The following NECAB2 variants were observed in gnomAD, a reference collection of about 807,000 sequenced individuals.
The protein encoded by NECAB2 is N-terminal EF-hand calcium binding protein 2.
Under a neutral mutation model 51.9 loss-of-function variants are expected in NECAB2, and 68 were observed. That is an observed-to-expected ratio of 1.31 (90% CI 1.08 to 1.60). The LOEUF is 1.60. NECAB2 is among the 40% of genes most tolerant of loss of function. The probability of loss-of-function intolerance (pLI) is 0.00; values close to 1 mark genes in which losing one functional copy is unlikely to be tolerated. For missense variants in NECAB2, 854 were observed against 490.3 expected (o/e 1.74, Z -7.00); for synonymous variants, 329 against 203.5 (o/e 1.62, Z -5.25).
intron 2 of NECAB2, among the ~76,000 whole-genome samples, chr16:83,975,295 C>A (rs979609425): frequency 1.1e-4 from 17 of 149,168 alleles, no homozygotes; most frequent in African/African-American, 4.0e-4. Flanking sequence ...AACAGGTGTG[C>A]AGGGATGAGA....
intron 1 of NECAB2, among the ~76,000 whole-genome samples, chr16:83,969,448 G>A (rs936419506): frequency 6.6e-6 from 1 of 151,770 alleles, no homozygotes; most frequent in African/African-American, 2.4e-5. Context: ...CATCAGCCCT[G>A]AGCTGGTACC....
chr16:83,981,411 G>A (rs2084487643), intron 5 of NECAB2, among the ~76,000 whole-genome samples: 2 of 129,818 alleles, frequency 1.5e-5, no homozygotes, highest in South Asian at 4.2e-4. Context: ...TGCCCTTAAG[G>A]GGTCCCCAGA....
chr16:83,973,668 C>T (rs999593790), intron 2 of NECAB2, among the ~76,000 whole-genome samples: 1 of 152,172 alleles, frequency 6.6e-6, no homozygotes, highest in Non-Finnish European at 1.5e-5. Flanking sequence ...GGCCTGGCTC[C>T]TCCAGCAGGT....
chr16:83,982,557 G>T (rs2084501744), intron 5 of NECAB2, among the ~76,000 whole-genome samples: 1 of 152,158 alleles, frequency 6.6e-6, no homozygotes, highest in African/African-American at 2.4e-5. Flanking sequence ...AGATGACCCT[G>T]GGAAATGGAA....
At chr16:84,000,181 C>T (rs8048803) in intron 10 of NECAB2, among the ~76,000 whole-genome samples, 25,866 of 152,070 alleles carry the variant, frequency 0.17, 3,906 homozygotes, top group African/African-American at 0.41. Context: ...CGATTACAGG[C>T]GTGAACCATC....
chr16:84,000,841 G>C, intron 11 of NECAB2, 40 bp downstream of exon 11: 1 of 1,389,224 alleles, frequency 7.2e-7, no homozygotes, highest in African/African-American at 1.5e-5. Flanking sequence ...GGGAGACAGA[G>C]GGAAGTGGGG....
chr16:83,981,186 C>T, intron 5 of NECAB2, 59 bp downstream of exon 5: 1 of 1,403,006 alleles, frequency 7.1e-7, no homozygotes. Flanking sequence ...CAGTTCCACC[C>T]TTGCCTAAGG....
At chr16:83,969,188 C>G (rs2084322633) in intron 1 of NECAB2, among the ~76,000 whole-genome samples, 1 of 151,846 alleles carries the variant, frequency 6.6e-6, no homozygotes, top group Non-Finnish European at 1.5e-5. Context: ...CCCTTTACCC[C>G]GCGGGACCGG....
chr16:83,967,168 T>C (rs2084290218), upstream of NECAB2, among the ~76,000 whole-genome samples: 1 of 152,144 alleles, frequency 6.6e-6, no homozygotes, highest in African/African-American at 2.4e-5. Flanking sequence ...CACCACACCC[T>C]TCCAGCAGTT....
intron 5 of NECAB2, among the ~76,000 whole-genome samples, chr16:83,989,705 T>C (rs546476556): frequency 6.6e-6 from 1 of 151,518 alleles, no homozygotes; most frequent in African/African-American, 2.4e-5. Context: ...TGTAAAGTCT[T>C]TGCAGCCCAA....
In NECAB2 at chr16:83,970,018, C is replaced by T. The variant is rs149080768; in HGVS notation, c.201+1169C>T. Among the ~76,000 whole-genome samples the T allele has an allele frequency of 4.2e-3, 645 of 152,306 alleles. 5 individuals carry two copies. Among genetic ancestry groups the T allele is most frequent in the African/African-American group, 0.015 (623 of 41,570 alleles). ...ACACACTCACGCACTCGCTTACGCA[C>T]GCACACACAGCCAGAGACACACCCA... On this transcript the variant is annotated intron_variant, in intron 1 of 12. Transcript: ENST00000305202.
rs142373353 is a variant in NECAB2, at chr16:83,998,255, C to G, written c.900C>G (p.Ser300Arg). The G allele has an allele frequency of 9.9e-6, 16 of 1,612,870 alleles. 1 individual carries two copies. The highest frequency in any genetic ancestry group is 3.3e-5 in the South Asian group (3 of 91,086). The change falls in exon 10 of 13, where the codon AGC (serine) becomes AGG (arginine). Residue 300 changes from serine to arginine, a missense_variant. Ser to Arg is a moderately radical substitution (Grantham distance 110). Coordinates refer to ENST00000305202, the MANE Select transcript of NECAB2 (RefSeq NM_019065.3). ...QEMAVCPEQLSEFLDSLRQYL... is the reference protein window; with the variant it reads ...QEMAVCPEQLREFLDSLRQYL... ...TGGCCGTGTGCCCCGAGCAACTGAG[C>G]GAGTTTCTGGACTCTCTGCGCCAGT...
chr16:83,990,215 C>G (rs888191000), intron 5 of NECAB2, among the ~76,000 whole-genome samples: 1 of 152,174 alleles, frequency 6.6e-6, no homozygotes, highest in African/African-American at 2.4e-5. Context: ...TCGCTACAAC[C>G]TTGTAAGATA....
At position 83,998,242 on chromosome 16, in the gene NECAB2, C is replaced by T. The variant is rs757346636; in HGVS notation, c.887C>T (p.Pro296Leu). Residue 296 changes from proline (P) to leucine (L), a missense_variant, in exon 10 of 13, where the codon CCC becomes CTC. Coordinates refer to ENST00000305202, the MANE Select transcript of NECAB2 (RefSeq NM_019065.3). The part of the protein sequence containing the change: ...QLVRQEMAVC[P>L]EQLSEFLDSL... ...GTCCGGCAGGAGATGGCCGTGTGCC[C>T]CGAGCAACTGAGCGAGTTTCTGGAC... 4 of 1,612,442 alleles carry T rather than the reference C, an allele frequency of 2.5e-6. No homozygotes were observed. Among genetic ancestry groups the T allele is most frequent in the South Asian group, 2.2e-5 (2 of 91,074 alleles).
At chr16:83,995,224 G>C (rs911691573) in intron 8 of NECAB2, among the ~76,000 whole-genome samples, 1 of 152,244 alleles carries the variant, frequency 6.6e-6, no homozygotes, top group African/African-American at 2.4e-5. Context: ...ACTCGGGATA[G>C]AGTGCTCACA....
At chr16:83,985,442 G>T (rs2084541225) in intron 5 of NECAB2, among the ~76,000 whole-genome samples, 1 of 150,984 alleles carries the variant, frequency 6.6e-6, no homozygotes, top group African/African-American at 2.4e-5. Context: ...AGACAAGCCT[G>T]GCCAACATGG....
intron 5 of NECAB2, among the ~76,000 whole-genome samples, chr16:83,988,883 G>T (rs1403306466): frequency 6.6e-6 from 1 of 152,146 alleles, no homozygotes; most frequent in Non-Finnish European, 1.5e-5. Context: ...GTGTACCCCT[G>T]TGTCAAATCT....
At chr16:83,965,804 GA>G (rs755257429), upstream of NECAB2, 3 of 1,613,044 alleles carry the variant, frequency 1.9e-6, no homozygotes, top group Non-Finnish European at 2.5e-6. Context: ...GGCAGGGGCT[GA>G]CTTTGCAGTG....
At chr16:83,998,132 T>C in intron 9 of NECAB2, 73 bp from the exon 10 acceptor site, 4 of 1,356,242 alleles carry the variant, frequency 2.9e-6, no homozygotes, top group East Asian at 2.4e-5. Context: ...AGGGAGGTCA[T>C]GGGGGCCTGA....
Sources: allele counts gnomAD v4.1 joint callset (sites outside exome capture counted in the v4.1 genomes callset), GRCh38; gene constraint gnomAD v4.1.1; transcripts MANE v1.5; gene names NCBI Gene and HGNC (gene_info 2026-07-23, HGNC 2026-07-21).